ELF5: variants seen among roughly 807,000 people sequenced by gnomAD.
The protein encoded by ELF5 is E74 like ETS transcription factor 5, also known as ETS-related transcription factor Elf-5.
Under a neutral mutation model 38.2 loss-of-function variants are expected in ELF5, and 31 were observed. That is an observed-to-expected ratio of 0.81 (90% confidence interval 0.61 to 1.10). The LOEUF (loss-of-function observed/expected upper bound fraction) is 1.10, where lower values mean the gene tolerates loss of function less well. ELF5 is among the 50% of genes least tolerant of loss of function. The pLI is 0.00. For synonymous variants in ELF5, 121 were observed against 112.5 expected (o/e 1.08, Z -0.48); for missense variants, 300 against 306.6 (o/e 0.98, Z 0.16).
Position 34,490,024 on chromosome 11 carries a change from C to T in ELF5, c.391G>A (p.Ala131Thr). Residue 131 changes from alanine to threonine, a missense_variant, in exon 4 of 7, where the codon GCC (alanine) becomes ACC (threonine). Ala to Thr is a moderately conservative substitution (Grantham distance 58). Coordinates refer to ENST00000257832, the MANE Select transcript of ELF5 (RefSeq NM_001422.4). The stretch of plus-strand genomic sequence containing the variant: ...GGTTACTTACAGTCTTTGATGGTGG[C>T]CTTGCTTTCTTCAGCGTCATTAAAA... Reference protein sequence around the residue: ...SFFNDAEESKATIKDYADSNC... With the variant: ...SFFNDAEESKTTIKDYADSNC... 1 of 1,613,996 alleles carries T rather than the reference C, an allele frequency of 6.2e-7. No homozygotes were observed. Among genetic ancestry groups the T allele is most frequent in the Non-Finnish European group, 8.5e-7 (1 of 1,179,954 alleles).
chr11:34,482,552 A>T, intron 4 of ELF5, 53 bp from the exon 5 acceptor site: 2 of 1,432,714 alleles, frequency 1.4e-6, no homozygotes, highest in South Asian at 2.6e-5. Flanking sequence ...CCACATTCAG[A>T]CCTCAAGTCA....
At chr11:34,509,187 G>A (rs766390917) in intron 1 of ELF5, among the ~76,000 whole-genome samples, 1 of 152,066 alleles carries the variant, frequency 6.6e-6, no homozygotes, top group Non-Finnish European at 1.5e-5. Flanking sequence ...ACAATTAGCT[G>A]GGCATGGTGG....
At chr11:34,507,531 T>G (rs978383979) in intron 1 of ELF5, among the ~76,000 whole-genome samples, 1 of 152,122 alleles carries the variant, frequency 6.6e-6, no homozygotes, top group African/African-American at 2.4e-5. Flanking sequence ...TGGGGCAGGG[T>G]GTGTGGTTGA....
At chr11:34,489,378 TGG>T (rs927419345) in intron 4 of ELF5, among the ~76,000 whole-genome samples, 5 of 152,158 alleles carry the variant, frequency 3.3e-5, no homozygotes, top group Non-Finnish European at 7.3e-5. Context: ...CATGGGGGAA[TGG>T]GGTTTGCCCA....
intron 2 of ELF5, among the ~76,000 whole-genome samples, chr11:34,504,833 C>G (rs1249933798): frequency 6.6e-6 from 1 of 152,086 alleles, no homozygotes; most frequent in African/African-American, 2.4e-5. Flanking sequence ...GCTGCCTTCT[C>G]AGGTGGAGAA....
intron 4 of ELF5, among the ~76,000 whole-genome samples, chr11:34,483,291 C>T (rs73436802): frequency 0.046 from 6,920 of 151,820 alleles, 523 homozygotes; most frequent in African/African-American, 0.16. Context: ...CCCACTGCTC[C>T]GCATTTTACA....
chr11:34,510,301 A>T (rs1477903003), intron 1 of ELF5, among the ~76,000 whole-genome samples: 5 of 150,368 alleles, frequency 3.3e-5, no homozygotes, highest in Non-Finnish European at 7.4e-5. Context: ...TTATAAAAGC[A>T]GAAAAAGGTG....
At chr11:34,486,167 C>A (rs1849991165) in intron 4 of ELF5, among the ~76,000 whole-genome samples, 1 of 152,164 alleles carries the variant, frequency 6.6e-6, no homozygotes, top group Non-Finnish European at 1.5e-5. Flanking sequence ...CACTAGCAGT[C>A]CAGCCATGGA....
chr11:34,491,015 C>G (rs2146962), intron 3 of ELF5, among the ~76,000 whole-genome samples: 52,559 of 151,898 alleles, frequency 0.35, 10,154 homozygotes, highest in Non-Finnish European at 0.42. Flanking sequence ...CAATACCTAC[C>G]GAGCTGGATG....
chr11:34,480,100 T>C lies in ELF5; in HGVS notation c.*118A>G, dbSNP rs561982568. ...TAAGCTGAGATGTGGAGAAATTTTA[T>C]CAGCATGTTTGCAGGTTAAAAAAAA... On this transcript the variant is annotated 3_prime_UTR_variant, in exon 7 of 7. Coordinates refer to ENST00000257832, the MANE Select transcript of ELF5 (RefSeq NM_001422.4). 59 of 798,340 alleles carry C rather than the reference T, an allele frequency of 7.4e-5. No individual in the cohort carries two copies. The highest frequency in any genetic ancestry group is 6.6e-4 in the African/African-American group (38 of 57,404). 49.5% of individuals were successfully genotyped at this position (798,340 alleles called of 1,614,324 possible). A position where few individuals can be genotyped will look rare whatever the true frequency, so the allele number is the denominator to read the frequency against.
intron 2 of ELF5, among the ~76,000 whole-genome samples, chr11:34,498,362 T>C (rs1016000601): frequency 3.3e-5 from 5 of 150,212 alleles, no homozygotes; most frequent in African/African-American, 1.2e-4. Context: ...ATTTTTTTTT[T>C]TAATGTGTAA....
chr11:34,501,579 C>A (rs566284139), intron 2 of ELF5, among the ~76,000 whole-genome samples: 8 of 152,238 alleles, frequency 5.3e-5, no homozygotes, highest in Admixed American at 2.0e-4. Flanking sequence ...CAGCCTCCCC[C>A]CCAACCAACT....
At chr11:34,501,411 G>C (rs1462320739) in intron 2 of ELF5, among the ~76,000 whole-genome samples, 1 of 152,214 alleles carries the variant, frequency 6.6e-6, no homozygotes, top group East Asian at 1.9e-4. Context: ...CACATTGGCT[G>C]TCAGGGGAGG....
At chr11:34,491,280 C>T (rs992077544) in intron 3 of ELF5, among the ~76,000 whole-genome samples, 1 of 152,114 alleles carries the variant, frequency 6.6e-6, no homozygotes, top group Non-Finnish European at 1.5e-5. Context: ...ACAGTGTGAA[C>T]TTTGATCACA....
chr11:34,496,379 C>T (rs1850320469), intron 2 of ELF5, among the ~76,000 whole-genome samples: 1 of 139,420 alleles, frequency 7.2e-6, no homozygotes, highest in East Asian at 2.2e-4. Context: ...GGTGCCATGG[C>T]AGGCCTCTTT....
chr11:34,490,199 C>T (rs1590327399), intron 3 of ELF5, 140 bp from the exon 4 acceptor site: 6 of 882,322 alleles, frequency 6.8e-6, no homozygotes, highest in Non-Finnish European at 1.1e-5. Flanking sequence ...ACCTTGGAGA[C>T]CATCTGGTCT....
chr11:34,494,185 T>C (rs769693329), intron 2 of ELF5, among the ~76,000 whole-genome samples: 3 of 152,134 alleles, frequency 2.0e-5, no homozygotes, highest in Non-Finnish European at 2.9e-5. Context: ...CCCAGGACTA[T>C]TATGGAGTTT....
In ELF5 at chr11:34,489,996, C is replaced by G. The variant is rs1850120834; in HGVS notation, c.406+13G>C. The G allele has an allele frequency of 6.2e-7, 1 of 1,613,944 alleles. No individual in the cohort carries two copies. The highest frequency in any genetic ancestry group is 1.3e-5 in the African/African-American group (1 of 74,914). The stretch of plus-strand genomic sequence containing the variant: ...TTGACAGAGCCTTGGGTGGCTTGCG[C>G]TTGGTTACTTACAGTCTTTGATGGT... On this transcript the variant is annotated intron_variant, in intron 4 of 6. Coordinates refer to ENST00000257832, the MANE Select transcript of ELF5 (RefSeq NM_001422.4).
At chr11:34,483,868 T>TTACTG (rs56656761) in intron 4 of ELF5, among the ~76,000 whole-genome samples, 136,888 of 150,908 alleles carry the variant, frequency 0.91, 62,249 homozygotes, top group Middle Eastern at 0.96. Flanking sequence ...AACTATTCTA[T>TTACTG]TACTGTACTG....
Sources: gnomAD v4.1 joint callset for allele counts (sites outside exome capture counted in the v4.1 genomes callset) on GRCh38, gnomAD v4.1.1 for gene constraint, MANE v1.5 for transcripts, NCBI Gene and HGNC (gene_info 2026-07-23, HGNC 2026-07-21) for gene names.